HADHA: variants seen among roughly 807,000 people sequenced by gnomAD.
HADHA encodes trifunctional enzyme subunit alpha, mitochondrial.
A neutral mutation model predicts 91.3 loss-of-function variants in HADHA; 59 were observed. The observed-to-expected ratio is 0.65, with a 90% CI of 0.52 to 0.80. HADHA has a LOEUF of 0.80. HADHA is among the 30% of genes least tolerant of loss of function. The pLI, the probability that HADHA is intolerant of heterozygous loss-of-function variation, is 0.00. For synonymous variants in HADHA, 320 were observed against 338.9 expected (o/e 0.94, Z 0.61); for missense variants, 800 against 927.6 (o/e 0.86, Z 1.79).
At position 26,191,916 on chromosome 2, in the gene HADHA, A is replaced by G. The variant is rs970756356; in HGVS notation, c.2001-288T>C. On this transcript the variant is annotated intron_variant, in intron 18 of 19. Coordinates refer to ENST00000380649, the MANE Select transcript of HADHA (RefSeq NM_000182.5). ...CAACAGTCAGCTGCTCACAAATGAT[A>G]ATAAAGATCTGGGAGGGTGAAGGGG... 2.6e-5 allele frequency among the ~76,000 whole-genome samples: 4 copies of G among 152,238 alleles called. No homozygotes were observed. In the South Asian group the frequency reaches 6.2e-4, roughly 24 times the overall value.
rs7260 is a variant in HADHA at position 26,191,048 on chromosome 2, C to T, written c.*202G>A. The T allele has an allele frequency of 0.78, 501,809 of 644,272 alleles. 195,983 individuals carry two copies. Among genetic ancestry groups the T allele is most frequent in the East Asian group, 0.87 (31,807 of 36,480 alleles). The allele number at this position is 644,272 out of a possible 1,614,324, so 39.9% of individuals were successfully genotyped here. A position where few individuals can be genotyped will look rare whatever the true frequency, so the allele number is the denominator to read the frequency against. ...ATGAGCAGTGGGCTCTACCTTCCAA[C>T]AGGAAGTGCAAACTAATTCGAAGTC... On this transcript the variant is annotated 3_prime_UTR_variant, in exon 20 of 20. Transcript: ENST00000380649.
intron 7 of HADHA, 61 bp downstream of exon 7, chr2:26,230,131 T>A: frequency 9.2e-7 from 1 of 1,081,288 alleles, no homozygotes; most frequent in Non-Finnish European, 1.4e-6. Flanking sequence ...CCTAAGAGGT[T>A]AACTCTTTAA....
chr2:26,216,630 T>C (rs1670228192), intron 7 of HADHA, among the ~76,000 whole-genome samples: 2 of 152,156 alleles, frequency 1.3e-5, no homozygotes, highest in African/African-American at 2.4e-5. Flanking sequence ...CCATTTGGCC[T>C]ATTTTGAACC....
chr2:26,228,447 T>G (rs1670535234), intron 7 of HADHA, among the ~76,000 whole-genome samples: 1 of 152,058 alleles, frequency 6.6e-6, no homozygotes, highest in Non-Finnish European at 1.5e-5. Flanking sequence ...ACATAAAGAC[T>G]TAAAGATGAA....
chr2:26,192,177 C>T (rs1669526055), intron 18 of HADHA, 133 bp downstream of exon 18: 1 of 651,006 alleles, frequency 1.5e-6, no homozygotes, highest in Non-Finnish European at 2.7e-6. Flanking sequence ...ACGTGTATAC[C>T]TATGTAACAA....
In HADHA at chr2:26,191,325, G is replaced by A; in HGVS notation, c.2217C>T (p.Ala739=). Residue 739 remains alanine, a synonymous_variant, in exon 20 of 20, where the codon GCC becomes GCT. Transcript: ENST00000380649. ...IVDRLKKYEA[A]YGKQFTPCQL... ...GGCATGGGGTGAACTGTTTTCCATA[G>A]GCAGCTTCATATTTCTTGAGCCGGT... 3 of 1,614,042 alleles carry A rather than the reference G, an allele frequency of 1.9e-6. No homozygotes were observed. The highest frequency in any genetic ancestry group is 2.5e-6 in the Non-Finnish European group (3 of 1,180,030).
rs764067243 is a variant in HADHA at position 26,193,565 on chromosome 2, G to C, written c.1885+12C>G. 3 of 1,602,318 alleles carry C rather than the reference G, an allele frequency of 1.9e-6. No individual in the cohort carries two copies. In the Admixed American group the frequency reaches 5.0e-5, roughly 27 times the overall value. On this transcript the variant is annotated intron_variant, in intron 17 of 19. Transcript: ENST00000380649. ...CTAATGGTGCTAGTTATGTTTCCTT[G>C]AGGCTACTCACCTAGGAAGCCCTTG...
Position 26,244,599 on chromosome 2 carries a change from T to C in HADHA, c.-3A>G. The C allele has an allele frequency of 6.3e-7, 1 of 1,578,036 alleles. No homozygotes were observed. The highest frequency in any genetic ancestry group is 8.6e-7 in the Non-Finnish European group (1 of 1,161,318). On this transcript the variant is annotated 5_prime_UTR_variant, in exon 1 of 20. Coordinates refer to ENST00000380649, the MANE Select transcript of HADHA (RefSeq NM_000182.5). ...CCAATCGCCCGGCAGGCCACCATCT[T>C]GAGCTGAAGAGGACAGCAGTGGAGA... is the stretch of plus-strand genomic sequence containing the variant.
chr2:26,197,828 T>A, intron 13 of HADHA, 51 bp from the exon 14 acceptor site: 2 of 915,788 alleles, frequency 2.2e-6, no homozygotes, highest in South Asian at 2.6e-5. Flanking sequence ...GGGAGATGAT[T>A]AGAGGCCACA....
At chr2:26,231,361 T>G (rs925735923) in intron 6 of HADHA, among the ~76,000 whole-genome samples, 4 of 152,178 alleles carry the variant, frequency 2.6e-5, no homozygotes, top group Non-Finnish European at 5.9e-5. Flanking sequence ...GGCCCTTGAG[T>G]TGACATTAAG....
intron 10 of HADHA, 30 bp downstream of exon 10, chr2:26,212,540 T>A (rs1477237491): frequency 7.5e-7 from 1 of 1,335,136 alleles, no homozygotes; most frequent in East Asian, 2.3e-5. Flanking sequence ...CTTTAACTGA[T>A]AATAAAACAT....
At chr2:26,192,798 T>G (rs1156662808) in intron 17 of HADHA, among the ~76,000 whole-genome samples, 1 of 152,120 alleles carries the variant, frequency 6.6e-6, no homozygotes, top group Non-Finnish European at 1.5e-5. Flanking sequence ...TGTTGGTCTA[T>G]TATAAAGCTC....
intron 11 of HADHA, among the ~76,000 whole-genome samples, chr2:26,206,152 T>C (rs994312864): frequency 2.7e-5 from 4 of 150,862 alleles, no homozygotes; most frequent in Admixed American, 2.6e-4. Context: ...AAAATAATAA[T>C]AATAATAAAA....
At position 26,237,044 on chromosome 2, in the gene HADHA, G is replaced by A. The variant is rs960283592; in HGVS notation, c.181-56C>T. On this transcript the variant is annotated intron_variant, in intron 3 of 19. Coordinates refer to ENST00000380649, the MANE Select transcript of HADHA (RefSeq NM_000182.5). ...TTTAAATTTGAAGCACTGGATGTAC[G>A]TACCACCATCAAATGCTATTTTGAT... The A allele has an allele frequency of 5.0e-6, 6 of 1,202,744 alleles. No homozygotes were observed. In the East Asian group the frequency reaches 7.0e-5, roughly 14 times the overall value. 74.5% of individuals were successfully genotyped at this position (1,202,744 alleles called of 1,614,324 possible). A position where few individuals can be genotyped will look rare whatever the true frequency, so the allele number is the denominator to read the frequency against.
chr2:26,215,277 T>C lies in HADHA; in HGVS notation c.677-102A>G, dbSNP rs1224274370. 2.6e-5 allele frequency: 27 copies of C among 1,032,378 alleles called. No individual in the cohort carries two copies. The Middle Eastern group carries it at 1.0e-3, about 38-fold the overall frequency. The allele number at this position is 1,032,378 out of a possible 1,614,324, so 64.0% of individuals were successfully genotyped here. On this transcript the variant is annotated intron_variant, in intron 7 of 19. Transcript: ENST00000380649. ...AAAGCCAAAGGCCCTAGCACAGCGT[T>C]CCATTTCAGACTGGAGACTGGTAGG...
At chr2:26,192,717 AGT>A (rs1366343492) in intron 17 of HADHA, among the ~76,000 whole-genome samples, 4 of 152,120 alleles carry the variant, frequency 2.6e-5, no homozygotes, top group Admixed American at 2.0e-4. Context: ...CCTGGGCAAC[AGT>A]GTGAGACTCT....
chr2:26,190,889 T>C lies in HADHA; in HGVS notation c.*361A>G, dbSNP rs1669473536. On this transcript the variant is annotated 3_prime_UTR_variant, in exon 20 of 20. Transcript: ENST00000380649. ...AAAGATGCTGACACAGAGTTTGGTT[T>C]TTATTGTTATGTGTTTGGCTGGGTG... 2 of 362,492 alleles carry C rather than the reference T, an allele frequency of 5.5e-6. No individual in the cohort carries two copies. Among genetic ancestry groups the C allele is most frequent in the South Asian group, 3.1e-5 (1 of 32,688 alleles). The allele number at this position is 362,492 out of a possible 1,614,324, so 22.5% of individuals were successfully genotyped here.
intron 1 of HADHA, chr2:26,243,204 C>T (rs1197308281): frequency 6.6e-6 from 1 of 152,208 alleles, no homozygotes; most frequent in Non-Finnish European, 1.5e-5. Flanking sequence ...ACCACGTGCC[C>T]TGGCTACCAC....
chr2:26,218,309 A>AAAG (rs1670286900), intron 7 of HADHA, among the ~76,000 whole-genome samples: 1 of 151,662 alleles, frequency 6.6e-6, no homozygotes, highest in East Asian at 1.9e-4. Flanking sequence ...CAAAAAAAAA[A>AAAG]AGAGAGAGAA....
Sources: gnomAD v4.1 joint callset for allele counts (sites outside exome capture counted in the v4.1 genomes callset) on GRCh38, gnomAD v4.1.1 for gene constraint, MANE v1.5 for transcripts, NCBI Gene and HGNC (gene_info 2026-07-23, HGNC 2026-07-21) for gene names.